Variants in ASIC2 observed in about 807,000 individuals in gnomAD.
ASIC2 encodes acid sensing ion channel subunit 2, also known as acid-sensing ion channel 2.
In ASIC2, 25 loss-of-function variants were observed where a neutral mutation model predicts 57.3. That is an observed-to-expected ratio of 0.44 (90% CI 0.32 to 0.61). ASIC2 has a LOEUF of 0.61. Ranked by LOEUF, ASIC2 falls within the 20% of genes least tolerant of loss-of-function variation. The pLI is 0.06. For missense variants in ASIC2, 641 were observed against 738.1 expected, an observed-to-expected ratio of 0.87 and a Z score of 1.52; for synonymous variants, 319 against 307.5, an observed-to-expected ratio of 1.04 and a Z score of -0.39.
chr17:33,423,182 C>A (rs183014528), intron 1 of ASIC2, among the ~76,000 whole-genome samples: 24 of 152,300 alleles, frequency 1.6e-4, no homozygotes, highest in African/African-American at 5.5e-4. Context: ...CAGGACCATG[C>A]CTTGAGAGAT....
chr17:33,291,676 G>T lies in ASIC2; in HGVS notation c.440C>A (p.Ser147Tyr), dbSNP rs1345348521. The change falls in exon 1 of 10, where the codon TCC becomes TAC. Residue 147 changes from serine (S) to tyrosine (Y), a missense_variant. Ser to Tyr is a moderately radical substitution (Grantham distance 144). Transcript: ENST00000225823. ...GCCGGCATAGTAGAGGTCCCCCTTG[G>T]AGAGGCGCGGGAAGCGCAGCGGGTT... ...NNNPLRFPRL[S>Y]KGDLYYAGHW... 1.2e-6 allele frequency: 2 copies of T among 1,613,306 alleles called. No individual in the cohort carries two copies. Among genetic ancestry groups the T allele is most frequent in the South Asian group, 1.1e-5 (1 of 91,078 alleles).
intron 3 of ASIC2, among the ~76,000 whole-genome samples, chr17:33,033,044 G>T (rs1198539452): frequency 6.6e-6 from 1 of 152,170 alleles, no homozygotes; most frequent in East Asian, 1.9e-4. Context: ...CAAGGCCGAA[G>T]GATTCCTTAA....
At chr17:33,408,170 C>A (rs1463405293) in intron 1 of ASIC2, among the ~76,000 whole-genome samples, 1 of 152,218 alleles carries the variant, frequency 6.6e-6, no homozygotes, top group Non-Finnish European at 1.5e-5. Flanking sequence ...GCACATTAAT[C>A]AATTTGGCTG....
rs529156097 is a variant in ASIC2 at position 33,662,985 on chromosome 17, T to C, written c.555+492993A>G. Among the ~76,000 whole-genome samples, 370 of 152,302 alleles carry C rather than the reference T, an allele frequency of 2.4e-3. 2 individuals are homozygous for C. The highest frequency in any genetic ancestry group is 8.6e-3 in the African/African-American group (357 of 41,558). On this transcript the variant is annotated intron_variant, in intron 1 of 9. Coordinates refer to the ASIC2 transcript ENST00000359872. ...TGTAAAGGGGAAGACCTGCCAATTG[T>C]GGCCTTTTTGCTGACTCTTGTTAGG...
At chr17:34,109,974 GAGAGATGAGATGAGA>G (rs1911212029) in intron 1 of ASIC2, among the ~76,000 whole-genome samples, 1 of 150,918 alleles carries the variant, frequency 6.6e-6, no homozygotes, top group African/African-American at 2.5e-5. Context: ...AAGAGAGAGA[GAGAGATGAGATGAGA>G]TGAGATGAGA....
At chr17:33,731,329 G>A (rs1420016998) in intron 1 of ASIC2, among the ~76,000 whole-genome samples, 1 of 152,148 alleles carries the variant, frequency 6.6e-6, no homozygotes, top group African/African-American at 2.4e-5. Flanking sequence ...ATATTTTAGG[G>A]GGGAGGTCAG....
intron 1 of ASIC2, among the ~76,000 whole-genome samples, chr17:34,091,363 G>A (rs758726783): frequency 5.9e-5 from 9 of 152,340 alleles, no homozygotes; most frequent in East Asian, 1.9e-4. Context: ...AAATAGCCTC[G>A]GGCATTTCTG....
intron 1 of ASIC2, among the ~76,000 whole-genome samples, chr17:33,522,123 G>T (rs1212773222): frequency 6.6e-6 from 1 of 152,124 alleles, no homozygotes; most frequent in Non-Finnish European, 1.5e-5. Context: ...GCACTTCTTT[G>T]TCAGTCCCCC....
At chr17:34,117,685 A>T (rs1434831476) in intron 1 of ASIC2, among the ~76,000 whole-genome samples, 2 of 152,146 alleles carry the variant, frequency 1.3e-5, no homozygotes, top group Non-Finnish European at 2.9e-5. Context: ...GGCTGGATTC[A>T]AGATATGTTT....
intron 2 of ASIC2, among the ~76,000 whole-genome samples, chr17:33,094,672 T>C (rs1460875617): frequency 6.6e-6 from 1 of 152,162 alleles, no homozygotes; most frequent in African/African-American, 2.4e-5. Flanking sequence ...GATGGAGACC[T>C]CACTCCCTGC....
chr17:33,633,849 G>A (rs1906257126), intron 1 of ASIC2, among the ~76,000 whole-genome samples: 1 of 152,182 alleles, frequency 6.6e-6, no homozygotes, highest in Admixed American at 6.5e-5. Flanking sequence ...TGCCACCTGG[G>A]TCTAGCCTAG....
intron 1 of ASIC2, among the ~76,000 whole-genome samples, chr17:33,154,565 C>T (rs1904924360): frequency 6.6e-6 from 1 of 152,122 alleles, no homozygotes; most frequent in African/African-American, 2.4e-5. Flanking sequence ...TTTTCCCAGG[C>T]CACACAGCAC....
In ASIC2 at chr17:33,291,818, G is replaced by A; in HGVS notation, c.298C>T (p.Leu100=). The A allele has an allele frequency of 6.2e-7, 1 of 1,612,564 alleles. No homozygotes were observed. Among genetic ancestry groups the A allele is most frequent in the East Asian group, 2.2e-5 (1 of 44,844 alleles). ...AAGCGGTTCGAGGACCAGGACAGCA[G>A]CAAGCCGAAGGATGTACAGAAGGCC... is the stretch of plus-strand genomic sequence containing the variant. ...VLAFCTSFGL[L]LSWSSNRLLY... is the part of the protein sequence containing the mutation. Residue 100 remains leucine, a synonymous_variant, in exon 1 of 10, where the codon CTG becomes TTG. Transcript: ENST00000225823.
At chr17:33,268,648 AT>A (rs1230780555) in intron 1 of ASIC2, among the ~76,000 whole-genome samples, 5 of 152,134 alleles carry the variant, frequency 3.3e-5, no homozygotes, top group East Asian at 1.9e-4. Flanking sequence ...TTTGGAGGGG[AT>A]TTTTTTAAGA....
intron 1 of ASIC2, among the ~76,000 whole-genome samples, chr17:33,870,983 C>A (rs1016567507): frequency 6.6e-6 from 1 of 151,286 alleles, no homozygotes; most frequent in East Asian, 1.9e-4. Flanking sequence ...GCCCACCCCA[C>A]CCCCTGAGAT....
intron 1 of ASIC2, among the ~76,000 whole-genome samples, chr17:33,649,473 G>T (rs72811189): frequency 0.043 from 6,494 of 152,184 alleles, 167 homozygotes; most frequent in South Asian, 0.12. Context: ...TTGACATACA[G>T]GTTTAATGCA....
chr17:33,671,284 C>T lies in ASIC2; in HGVS notation c.555+484694G>A, dbSNP rs540861375. On this transcript the variant is annotated intron_variant, in intron 1 of 9. Transcript: ENST00000359872. ...ACATGCATGTGCACACATGTACACA[C>T]GCACACCCAGCATAGCATTTAAAAT... is the stretch of plus-strand genomic sequence containing the variant. Among the ~76,000 whole-genome samples the T allele has an allele frequency of 8.5e-5, 13 of 152,298 alleles. No individual in the cohort carries two copies. In the South Asian group the frequency reaches 1.0e-3, roughly 12 times the overall value.
intron 1 of ASIC2, among the ~76,000 whole-genome samples, chr17:33,137,180 C>T (rs1345620329): frequency 1.3e-5 from 2 of 152,192 alleles, no homozygotes; most frequent in Non-Finnish European, 2.9e-5. Context: ...TAAGTATTGT[C>T]CCCAAAATAC....
intron 1 of ASIC2, among the ~76,000 whole-genome samples, chr17:33,970,538 G>A (rs1036348265): frequency 5.3e-5 from 8 of 152,202 alleles, no homozygotes; most frequent in South Asian, 4.1e-4. Flanking sequence ...TATGGGAACC[G>A]CAAAAGACAG....
Sources: allele counts gnomAD v4.1 joint callset (sites outside exome capture counted in the v4.1 genomes callset), GRCh38; gene constraint gnomAD v4.1.1; transcripts MANE v1.5; gene names NCBI Gene and HGNC (gene_info 2026-07-23, HGNC 2026-07-21).